Variants in SDK1 observed in about 807,000 individuals in gnomAD.
SDK1 encodes the protein protein sidekick-1.
In SDK1, 157 loss-of-function variants were observed where a neutral mutation model predicts 245.5. That is an observed-to-expected ratio of 0.64 (90% CI 0.56 to 0.73). The LOEUF (loss-of-function observed/expected upper bound fraction) is 0.73. Among genes scored for constraint, SDK1 ranks in the 30% least tolerant of loss-of-function variants. SDK1 has a pLI of 0.00. For missense variants in SDK1, 3,583 were observed against 3,002.3 expected, an observed-to-expected ratio of 1.19 and a Z score of -4.52; for synonymous variants, 1,647 against 1,278.5, an observed-to-expected ratio of 1.29 and a Z score of -6.15.
Position 3,389,719 on chromosome 7 carries a change from C to A in SDK1, c.298+87835C>A, listed in dbSNP as rs74922065. Among the ~76,000 whole-genome samples the A allele has an allele frequency of 4.0e-5, 6 of 150,320 alleles. No homozygotes were observed. In the South Asian group the frequency reaches 8.5e-4, roughly 21 times the overall value. On this transcript the variant is annotated intron_variant, in intron 1 of 44. Coordinates refer to ENST00000404826, the MANE Select transcript of SDK1 (RefSeq NM_152744.4). ...GGTAGAGGGAGCAGTGAGCTGTGAT[C>A]GTGCCACTGCACTCCACAGCCTGGG...
At position 4,218,799 on chromosome 7, in the gene SDK1, C is replaced by T. The variant is rs1184830206; in HGVS notation, c.5540-1310C>T. On this transcript the variant is annotated intron_variant, in intron 38 of 44. Transcript: ENST00000404826. ...TGCCAATCGGTCCATCCTGGAAGTA[C>T]CACACCTTGATATCCTCCTCCAAGA... Among the ~76,000 whole-genome samples, 3 of 152,224 alleles carry T rather than the reference C, an allele frequency of 2.0e-5. No individual in the cohort carries two copies. In the East Asian group the frequency reaches 5.8e-4, roughly 29 times the overall value.
At chr7:3,838,847 C>A (rs1266809501) in intron 5 of SDK1, among the ~76,000 whole-genome samples, 1 of 152,154 alleles carries the variant, frequency 6.6e-6, no homozygotes, top group East Asian at 1.9e-4. Flanking sequence ...ATAACCAAGT[C>A]TCTATCAAAA....
In SDK1 at chr7:4,203,057, C is replaced by T. The variant is rs530128640; in HGVS notation, c.5099-2822C>T. On this transcript the variant is annotated intron_variant, in intron 35 of 44. Transcript: ENST00000404826. ...GCGAGCACAGGGAGGTTGGGCGAGG[C>T]GACAGAATGCCGTCCTTGCTGCCGT... Among the ~76,000 whole-genome samples the T allele has an allele frequency of 9.5e-4, 144 of 152,312 alleles. 1 individual carries two copies. The highest frequency in any genetic ancestry group is 3.1e-3 in the African/African-American group (131 of 41,588).
intron 18 of SDK1, among the ~76,000 whole-genome samples, chr7:4,050,617 T>G (rs1394073356): frequency 6.6e-6 from 1 of 152,182 alleles, no homozygotes; most frequent in Non-Finnish European, 1.5e-5. Flanking sequence ...CACGCTTTCC[T>G]TAGGTTGTGG....
chr7:3,504,020 C>T (rs562075282), intron 1 of SDK1, among the ~76,000 whole-genome samples: 15 of 151,658 alleles, frequency 9.9e-5, no homozygotes, highest in South Asian at 8.4e-4. Flanking sequence ...CATGGTGGCA[C>T]GTGCCTGTAG....
At chr7:4,236,752 G>C (rs1331529185) in intron 41 of SDK1, among the ~76,000 whole-genome samples, 2 of 152,110 alleles carry the variant, frequency 1.3e-5, no homozygotes, top group African/African-American at 4.8e-5. Flanking sequence ...AGGCGTAACA[G>C]GTGGAATGTG....
Position 4,230,229 on chromosome 7 carries a change from G to A in SDK1, c.5828-3026G>A, listed in dbSNP as rs115198295. Among the ~76,000 whole-genome samples the A allele has an allele frequency of 6.5e-3, 973 of 150,814 alleles. 10 individuals carry two copies. Among genetic ancestry groups the A allele is most frequent in the African/African-American group, 0.02 (821 of 40,904 alleles). On this transcript the variant is annotated intron_variant, in intron 40 of 44. Coordinates refer to ENST00000404826, the MANE Select transcript of SDK1 (RefSeq NM_152744.4). Reference sequence around the variant, plus strand: ...TGAGTAGATGTGTGGATGGATGGACGAATGGATAGATGGATAGGTGGATGG... The same window carrying A: ...TGAGTAGATGTGTGGATGGATGGACAAATGGATAGATGGATAGGTGGATGG...
At chr7:4,140,573 G>GA (rs904060789) in intron 28 of SDK1, among the ~76,000 whole-genome samples, 3 of 103,082 alleles carry the variant, frequency 2.9e-5, no homozygotes, top group Non-Finnish European at 4.3e-5. Flanking sequence ...TACTGCAGCA[G>GA]GGGGGAGCTG....
chr7:3,351,446 A>C (rs1375929974), intron 1 of SDK1, among the ~76,000 whole-genome samples: 1 of 152,170 alleles, frequency 6.6e-6, no homozygotes, highest in Non-Finnish European at 1.5e-5. Flanking sequence ...ATAGCTATAA[A>C]TTCAAGTGTC....
At chr7:3,580,436 A>G (rs1780442481) in intron 1 of SDK1, among the ~76,000 whole-genome samples, 1 of 152,206 alleles carries the variant, frequency 6.6e-6, no homozygotes, top group Non-Finnish European at 1.5e-5. Context: ...TACTTGTACA[A>G]AGACAGACAC....
intron 14 of SDK1, among the ~76,000 whole-genome samples, chr7:4,006,224 G>A (rs143702871): frequency 1.1e-4 from 16 of 152,294 alleles, no homozygotes; most frequent in African/African-American, 3.6e-4. Context: ...CAGCTAAAGC[G>A]GGGTTGTGAT....
intron 5 of SDK1, among the ~76,000 whole-genome samples, chr7:3,913,053 A>G (rs1779233418): frequency 6.6e-6 from 1 of 152,132 alleles, no homozygotes; most frequent in African/African-American, 2.4e-5. Context: ...GTGATTAAGG[A>G]GGGTTTAATG....
At chr7:4,153,519 GAGATTGC>G (rs1780525010) in intron 30 of SDK1, among the ~76,000 whole-genome samples, 1 of 152,226 alleles carries the variant, frequency 6.6e-6, no homozygotes, top group African/African-American at 2.4e-5. Flanking sequence ...CTGAGCGGCG[GAGATTGC>G]AGTGAGCTGA....
intron 5 of SDK1, among the ~76,000 whole-genome samples, chr7:3,878,147 G>T (rs9655343): frequency 0.23 from 35,734 of 152,072 alleles, 4,767 homozygotes; most frequent in African/African-American, 0.36. Flanking sequence ...AATGAGAGAA[G>T]TTTCTCCCCA....
In SDK1 at chr7:3,601,923, G is replaced by C. The variant is rs908174562; in HGVS notation, c.299-17157G>C. ...ATTCCCACCTATGAATGAGAACATG[G>C]GGTGTTTGGTTTTTTGTCCTTGTGA... On this transcript the variant is annotated intron_variant, in intron 1 of 44. Coordinates refer to ENST00000404826, the MANE Select transcript of SDK1 (RefSeq NM_152744.4). Among the ~76,000 whole-genome samples the C allele has an allele frequency of 2.2e-4, 33 of 150,116 alleles. 1 individual carries two copies. The highest frequency in any genetic ancestry group is 6.1e-4 in the African/African-American group (25 of 40,654).
Position 4,123,726 on chromosome 7 carries a change from C to T in SDK1, c.3824-3655C>T, listed in dbSNP as rs373363138. Among the ~76,000 whole-genome samples the T allele has an allele frequency of 2.0e-5, 3 of 152,230 alleles. No homozygotes were observed. The South Asian group carries it at 6.2e-4, about 32-fold the overall frequency. ...TGGACTGGCTGGCATTATCTCCCTC[C>T]AAAAATAGAAGGGGGCTCACAGTGT... On this transcript the variant is annotated intron_variant, in intron 25 of 44. Coordinates refer to ENST00000404826, the MANE Select transcript of SDK1 (RefSeq NM_152744.4).
Position 3,583,002 on chromosome 7 carries a change from T to G in SDK1, c.299-36078T>G, listed in dbSNP as rs1445037025. Among the ~76,000 whole-genome samples, 3 of 152,182 alleles carry G rather than the reference T, an allele frequency of 2.0e-5. No homozygotes were observed. The East Asian group carries it at 5.8e-4, about 29-fold the overall frequency. On this transcript the variant is annotated intron_variant, in intron 1 of 44. Coordinates refer to ENST00000404826, the MANE Select transcript of SDK1 (RefSeq NM_152744.4). ...CTCCGAAGTGTGCTGCAGAGTGCAT[T>G]CCCAAGTCCTTCCTTCTGTGACCCA...
chr7:3,301,812 T>G lies in SDK1; in HGVS notation c.226T>G (p.Leu76Val). 9.3e-7 allele frequency: 1 copy of G among 1,071,618 alleles called. No homozygotes were observed. The highest frequency in any genetic ancestry group is 6.1e-5 in the East Asian group (1 of 16,468). The allele number at this position is 1,071,618 out of a possible 1,614,324, so 66.4% of individuals were successfully genotyped here. A position where few individuals can be genotyped will look rare whatever the true frequency, so the allele number is the denominator to read the frequency against. ...GRCGGRRAAK[L>V]GPGRRGWWAL... The stretch of plus-strand genomic sequence containing the variant: ...GTGCGGCGGGCGGCGGGCGGCAAAG[T>G]TGGGGCCGGGCCGCCGCGGCTGGTG... The change falls in exon 1 of 45, where the codon TTG (leucine) becomes GTG (valine). Residue 76 changes from leucine to valine, a missense_variant. Transcript: ENST00000404826.
chr7:4,183,923 G>A (rs1782735529), intron 35 of SDK1, among the ~76,000 whole-genome samples: 1 of 152,216 alleles, frequency 6.6e-6, no homozygotes, highest in African/African-American at 2.4e-5. Context: ...CATCTCCTGT[G>A]CCAGGCCTGG....
Sources: allele counts gnomAD v4.1 joint callset (sites outside exome capture counted in the v4.1 genomes callset), GRCh38; gene constraint gnomAD v4.1.1; transcripts MANE v1.5; gene names NCBI Gene and HGNC (gene_info 2026-07-23, HGNC 2026-07-21).